Variants in CNTN4 observed in about 807,000 individuals in gnomAD.
The protein encoded by CNTN4 is contactin-4.
In CNTN4, 77 loss-of-function variants were observed where a neutral mutation model predicts 122.5. The ratio of observed to expected loss-of-function variants is 0.63; its 90% CI spans 0.52 to 0.76. CNTN4 has a LOEUF of 0.76. CNTN4 is among the 30% of genes least tolerant of loss of function. The pLI is 0.00. For synonymous variants in CNTN4, 512 were observed against 447.0 expected, an observed-to-expected ratio of 1.15 and a Z score of -1.83; for missense variants, 1,256 against 1,259.1, an observed-to-expected ratio of 1.00 and a Z score of 0.04.
chr3:2,461,925 C>T (rs886700947), intron 3 of CNTN4, among the ~76,000 whole-genome samples: 2 of 152,094 alleles, frequency 1.3e-5, no homozygotes, highest in Non-Finnish European at 2.9e-5. Context: ...ACTTTGTGTT[C>T]GGATTTGGTG....
At chr3:2,607,561 T>C (rs1017819014) in intron 4 of CNTN4, among the ~76,000 whole-genome samples, 12 of 147,616 alleles carry the variant, frequency 8.1e-5, no homozygotes, top group African/African-American at 2.7e-4. Context: ...ATGCTCTTTA[T>C]ATATATTTTA....
intron 23 of CNTN4, among the ~76,000 whole-genome samples, chr3:3,046,216 C>T (rs1416026192): frequency 1.3e-5 from 2 of 152,296 alleles, no homozygotes; most frequent in African/African-American, 4.8e-5. Flanking sequence ...AGGATATTAT[C>T]CAGGAGAACT....
Position 2,666,497 on chromosome 3 carries a change from G to A in CNTN4, c.56-69718G>A, listed in dbSNP as rs560510710. Among the ~76,000 whole-genome samples, 3 of 152,140 alleles carry A rather than the reference G, an allele frequency of 2.0e-5. No individual in the cohort carries two copies. The East Asian group carries it at 5.8e-4, about 29-fold the overall frequency. ...TATGATCACTGTTGATTTTTCCAAA[G>A]TAAGACATTACTGATTTATTTTATC... On this transcript the variant is annotated intron_variant, in intron 4 of 24. Coordinates refer to ENST00000418658, the MANE Select transcript of CNTN4 (RefSeq NM_175607.3).
At position 2,517,206 on chromosome 3, in the gene CNTN4, C is replaced by T. The variant is rs115145748; in HGVS notation, c.-88-54210C>T. ...TGACACACTTTAACAATGTAATTAT[C>T]TTAAATGAAGTGGGTATTGTGACAC... On this transcript the variant is annotated intron_variant, in intron 3 of 24. Transcript: ENST00000418658. Among the ~76,000 whole-genome samples, 1,175 of 152,232 alleles carry T rather than the reference C, an allele frequency of 7.7e-3. 9 individuals carry two copies. Among genetic ancestry groups the T allele is most frequent in the African/African-American group, 0.023 (946 of 41,542 alleles).
chr3:2,204,480 T>C (rs1192261872), intron 2 of CNTN4, among the ~76,000 whole-genome samples: 2 of 152,226 alleles, frequency 1.3e-5, no homozygotes, highest in Non-Finnish European at 2.9e-5. Flanking sequence ...AGTTTTGCAC[T>C]TTTGTGTATC....
intron 13 of CNTN4, among the ~76,000 whole-genome samples, chr3:2,966,159 G>A (rs996191789): frequency 2.0e-5 from 3 of 152,126 alleles, no homozygotes; most frequent in South Asian, 2.1e-4. Context: ...AGGAAAGGGG[G>A]ATTAAACCAG....
intron 12 of CNTN4, among the ~76,000 whole-genome samples, chr3:2,920,313 G>A (rs2094415476): frequency 6.6e-6 from 1 of 150,428 alleles, no homozygotes; most frequent in South Asian, 2.1e-4. Context: ...GGTAGAAGGA[G>A]GCTGGATATG....
intron 4 of CNTN4, among the ~76,000 whole-genome samples, chr3:2,641,104 A>C (rs1432186109): frequency 1.3e-5 from 2 of 152,202 alleles, no homozygotes; most frequent in African/African-American, 4.8e-5. Flanking sequence ...CCTCAAAATT[A>C]ATGCTATATA....
chr3:2,799,045 AGAT>A (rs2150042283), intron 6 of CNTN4, among the ~76,000 whole-genome samples: 1 of 152,346 alleles, frequency 6.6e-6, no homozygotes, highest in Admixed American at 6.5e-5. Flanking sequence ...ACTGGTTGTA[AGAT>A]GATATCTCAG....
rs77539407 is a variant in CNTN4, at chr3:2,552,929, T to C, written c.-88-18487T>C. The stretch of plus-strand genomic sequence containing the variant: ...GTGTGTTGAGTAGGCACCCGGAGAC[T>C]AGAGTTTCTGTTAGTCTCTGTCACT... On this transcript the variant is annotated intron_variant, in intron 3 of 24. Transcript: ENST00000418658. Among the ~76,000 whole-genome samples, 705 of 152,270 alleles carry C rather than the reference T, an allele frequency of 4.6e-3. 4 individuals carry two copies. Among genetic ancestry groups the C allele is most frequent in the African/African-American group, 0.016 (660 of 41,544 alleles).
chr3:2,326,313 C>G (rs1049844531), intron 2 of CNTN4, among the ~76,000 whole-genome samples: 1 of 152,126 alleles, frequency 6.6e-6, no homozygotes, highest in Non-Finnish European at 1.5e-5. Context: ...TCACACCTGT[C>G]AGCCTTCAGA....
chr3:2,867,073 G>T, intron 8 of CNTN4, 124 bp downstream of exon 8: 1 of 853,436 alleles, frequency 1.2e-6, no homozygotes, highest in Non-Finnish European at 1.9e-6. Context: ...GTTTACTGCA[G>T]CCTATATTTG....
intron 7 of CNTN4, among the ~76,000 whole-genome samples, chr3:2,825,270 G>A (rs9863922): frequency 0.29 from 44,457 of 151,724 alleles, 7,212 homozygotes; most frequent in African/African-American, 0.43. Context: ...CTGTCGCCCA[G>A]GCTAGAGTGC....
chr3:2,748,298 C>T (rs537910071), intron 6 of CNTN4, among the ~76,000 whole-genome samples: 1 of 152,150 alleles, frequency 6.6e-6, no homozygotes, highest in Admixed American at 6.5e-5. Flanking sequence ...CCTATTCATC[C>T]AGTGCTACCC....
chr3:2,709,807 G>C lies in CNTN4; in HGVS notation c.56-26408G>C, dbSNP rs1232212671. Among the ~76,000 whole-genome samples, 4 of 152,118 alleles carry C rather than the reference G, an allele frequency of 2.6e-5. No homozygotes were observed. Among genetic ancestry groups the C allele is most frequent in the Admixed American group, 1.3e-4 (2 of 15,276 alleles). ...TGCACACCTGTAGTCCCAGCTACTTGGGAGGCTGAGCCAGGAGAGCCCGGG... is the reference window on the plus strand; with the variant it reads ...TGCACACCTGTAGTCCCAGCTACTTCGGAGGCTGAGCCAGGAGAGCCCGGG... On this transcript the variant is annotated intron_variant, in intron 4 of 24. Coordinates refer to ENST00000418658, the MANE Select transcript of CNTN4 (RefSeq NM_175607.3). The surrounding 1 kb of genome is among the most constrained non-coding windows in gnomAD (Gnocchi z 5.0).
At chr3:2,661,584 G>A (rs1313763305) in intron 4 of CNTN4, among the ~76,000 whole-genome samples, 1 of 151,774 alleles carries the variant, frequency 6.6e-6, no homozygotes, top group East Asian at 1.9e-4. Flanking sequence ...AGGCCGAGGT[G>A]GGCGGATCAC....
chr3:2,197,709 C>T (rs998206728), intron 2 of CNTN4, among the ~76,000 whole-genome samples: 4 of 152,024 alleles, frequency 2.6e-5, no homozygotes, highest in African/African-American at 9.7e-5. Context: ...GATATAGATA[C>T]ATACTTTTTA....
chr3:2,305,473 A>G (rs1390954285), intron 2 of CNTN4, among the ~76,000 whole-genome samples: 1 of 152,166 alleles, frequency 6.6e-6, no homozygotes, highest in Non-Finnish European at 1.5e-5. Flanking sequence ...ATTTCTAAGT[A>G]ATGTACTTTA....
chr3:2,598,670 A>G (rs997747925), intron 4 of CNTN4, among the ~76,000 whole-genome samples: 2 of 152,214 alleles, frequency 1.3e-5, no homozygotes, highest in African/African-American at 4.8e-5. Flanking sequence ...CGTAATAGAA[A>G]TTCAGTAGAA....
Sources: gnomAD v4.1 joint callset for allele counts (sites outside exome capture counted in the v4.1 genomes callset) on GRCh38, gnomAD v4.1.1 for gene constraint, Gnocchi (gnomAD v3.1) non-coding constraint, MANE v1.5 for transcripts, NCBI Gene and HGNC (gene_info 2026-07-23, HGNC 2026-07-21) for gene names.